THSD4: variants seen among roughly 807,000 people sequenced by gnomAD.
The protein encoded by THSD4 is thrombospondin type-1 domain-containing protein 4.
In THSD4, 69 loss-of-function variants were observed where a neutral mutation model predicts 119.0. That is an observed-to-expected ratio of 0.58 (90% CI 0.48 to 0.71). THSD4 has a LOEUF of 0.71. Among genes scored for constraint, THSD4 ranks in the 30% least tolerant of loss-of-function variants. The pLI is 0.00. For synonymous variants in THSD4, 524 were observed against 540.4 expected (o/e 0.97, Z 0.42); for missense variants, 1,393 against 1,391.1 (o/e 1.00, Z -0.02).
intron 6 of THSD4, among the ~76,000 whole-genome samples, chr15:71,333,757 C>T (rs1244340452): frequency 6.6e-6 from 1 of 152,202 alleles, no homozygotes; most frequent in Non-Finnish European, 1.5e-5. Flanking sequence ...GCAGCGTCTG[C>T]ATCAAACACC....
At chr15:71,722,553 C>T (rs1370482702) in intron 8 of THSD4, among the ~76,000 whole-genome samples, 1 of 152,122 alleles carries the variant, frequency 6.6e-6, no homozygotes, top group Non-Finnish European at 1.5e-5. Flanking sequence ...CCAGAACCTA[C>T]CTCAATTCTG....
At chr15:71,597,272 G>A (rs2049922239) in intron 7 of THSD4, among the ~76,000 whole-genome samples, 1 of 152,092 alleles carries the variant, frequency 6.6e-6, no homozygotes, top group Non-Finnish European at 1.5e-5. Flanking sequence ...TGTAAGAACA[G>A]CCTGGCTGAA....
chr15:71,722,286 A>G (rs1449794722), intron 8 of THSD4, among the ~76,000 whole-genome samples: 1 of 152,184 alleles, frequency 6.6e-6, no homozygotes, highest in Non-Finnish European at 1.5e-5. Flanking sequence ...TCAGGACCAC[A>G]TTTGCTAATA....
At chr15:71,656,748 A>G (rs1462774401) in intron 7 of THSD4, among the ~76,000 whole-genome samples, 4 of 152,214 alleles carry the variant, frequency 2.6e-5, no homozygotes, top group Admixed American at 6.5e-5. Flanking sequence ...TATTATTAGC[A>G]TTTTAGCCTT....
chr15:71,216,617 G>A (rs2043935100), intron 4 of THSD4, among the ~76,000 whole-genome samples: 1 of 152,238 alleles, frequency 6.6e-6, no homozygotes, highest in South Asian at 2.1e-4. Flanking sequence ...GAAGAACAGT[G>A]AGTTCCAAGA....
At chr15:71,322,593 A>C (rs1248832834) in intron 6 of THSD4, among the ~76,000 whole-genome samples, 1 of 152,228 alleles carries the variant, frequency 6.6e-6, no homozygotes. Flanking sequence ...GGAATTGAGA[A>C]GTGGCTTGGC....
At chr15:71,557,113 G>C (rs906174000) in intron 7 of THSD4, among the ~76,000 whole-genome samples, 1 of 152,128 alleles carries the variant, frequency 6.6e-6, no homozygotes, top group Admixed American at 6.5e-5. Context: ...CAAGTTTGCT[G>C]TAAGTTTATG....
At position 71,293,997 on chromosome 15, in the gene THSD4, T is replaced by C. The variant is rs181231744; in HGVS notation, c.1015+37282T>C. Among the ~76,000 whole-genome samples the C allele has an allele frequency of 1.3e-3, 202 of 152,224 alleles. 1 individual carries two copies. The highest frequency in any genetic ancestry group is 4.8e-3 in the African/African-American group (198 of 41,536). On this transcript the variant is annotated intron_variant, in intron 6 of 17. Transcript: ENST00000261862. Reference sequence around the variant, plus strand: ...AGTACATGTGCTATGTGTTTGCTAGTATTGTTTTAGATGTTTGATCTCCTA... The same window carrying C: ...AGTACATGTGCTATGTGTTTGCTAGCATTGTTTTAGATGTTTGATCTCCTA...
At chr15:71,479,206 A>AG (rs2047692536) in intron 7 of THSD4, among the ~76,000 whole-genome samples, 1 of 52,996 alleles carries the variant, frequency 1.9e-5, no homozygotes, top group African/African-American at 7.8e-5. Context: ...TTTTTTTGTC[A>AG]GGTGTTTTCA....
chr15:71,654,719 A>G (rs994751941), intron 7 of THSD4, among the ~76,000 whole-genome samples: 3 of 152,198 alleles, frequency 2.0e-5, no homozygotes, highest in African/African-American at 2.4e-5. Context: ...ATATAAGTAA[A>G]TTGGTGTCAG....
At chr15:71,705,462 C>T (rs868794294) in intron 8 of THSD4, among the ~76,000 whole-genome samples, 3 of 152,192 alleles carry the variant, frequency 2.0e-5, no homozygotes, top group African/African-American at 7.2e-5. Context: ...CCCCGAGCAG[C>T]TTATCCAGGA....
At chr15:71,223,102 A>C (rs1042799386) in intron 4 of THSD4, among the ~76,000 whole-genome samples, 1 of 152,168 alleles carries the variant, frequency 6.6e-6, no homozygotes, top group African/African-American at 2.4e-5. Flanking sequence ...ACACACTGGC[A>C]GTTGTTTTGA....
chr15:71,239,624 C>G (rs1038317322), intron 4 of THSD4, among the ~76,000 whole-genome samples: 1 of 152,178 alleles, frequency 6.6e-6, no homozygotes, highest in Admixed American at 6.5e-5. Context: ...AGTAAAATCC[C>G]AGAGATGGGT....
chr15:71,570,179 A>G (rs550458555), intron 7 of THSD4, among the ~76,000 whole-genome samples: 2 of 152,302 alleles, frequency 1.3e-5, no homozygotes, highest in South Asian at 2.1e-4. Context: ...AACCTAACCA[A>G]TGTAATTATG....
At chr15:71,369,778 G>C (rs977977533) in intron 6 of THSD4, among the ~76,000 whole-genome samples, 1 of 152,182 alleles carries the variant, frequency 6.6e-6, no homozygotes, top group South Asian at 2.1e-4. Flanking sequence ...TTGGTATCGG[G>C]ATGATGCTGG....
At chr15:71,141,632 A>T in intron 2 of THSD4, 76 bp downstream of exon 2, 1 of 1,472,080 alleles carries the variant, frequency 6.8e-7, no homozygotes, top group South Asian at 1.2e-5. Context: ...GTCATTTCTT[A>T]AAGTAAGTGA....
At chr15:71,147,801 A>G (rs1299272370) in intron 2 of THSD4, 2 of 151,984 alleles carry the variant, frequency 1.3e-5, no homozygotes, top group Non-Finnish European at 2.9e-5. Context: ...CTGTCTCTAC[A>G]GAAACAAACA....
intron 6 of THSD4, among the ~76,000 whole-genome samples, chr15:71,378,250 C>G (rs1596382144): frequency 6.6e-6 from 1 of 152,060 alleles, no homozygotes; most frequent in African/African-American, 2.4e-5. Flanking sequence ...ATACATCATA[C>G]AGTTTTCTAT....
chr15:71,530,892 A>T (rs2140812512), intron 7 of THSD4, among the ~76,000 whole-genome samples: 1 of 150,656 alleles, frequency 6.6e-6, no homozygotes, highest in African/African-American at 2.4e-5. Context: ...GTGGATGAGG[A>T]AGGGGGTCTA....
Sources: gnomAD v4.1 joint callset for allele counts (sites outside exome capture counted in the v4.1 genomes callset) on GRCh38, gnomAD v4.1.1 for gene constraint, MANE v1.5 for transcripts, NCBI Gene and HGNC (gene_info 2026-07-23, HGNC 2026-07-21) for gene names.